Variants in RGP1 observed in about 807,000 individuals in gnomAD.
RGP1 encodes RGP1 partner of RAB6A GEF complex.
RGP1 carries 28 observed loss-of-function variants against 44.5 expected under a neutral mutation model. The ratio of observed to expected loss-of-function variants is 0.63; its 90% CI spans 0.47 to 0.86. The LOEUF is 0.86. Ranked by LOEUF, RGP1 falls within the 40% of genes least tolerant of loss-of-function variation. The probability of loss-of-function intolerance (pLI) is 0.00; values close to 1 mark genes in which losing one functional copy is unlikely to be tolerated. For missense variants in RGP1, 417 were observed against 490.7 expected, an observed-to-expected ratio of 0.85 and a Z score of 1.42; for synonymous variants, 212 against 196.7, an observed-to-expected ratio of 1.08 and a Z score of -0.65.
At chr9:35,767,962 G>A in the RGP1 span, among the ~76,000 whole-genome samples, 8 of 152,010 alleles carry the variant, frequency 5.3e-5, no homozygotes, top group African/African-American at 1.7e-4. Flanking sequence ...ATGACACCCA[G>A]CTAAGTTTTT....
Position 35,749,783 on chromosome 9 carries a change from C to T in RGP1, c.28C>T (p.Arg10Trp). MIEVVAELS[R>W]GPVFLAGEAL... ...GATTGAAGTGGTAGCAGAGCTCAGC[C>T]GGGGTCCTGTATTTTTGGCTGGGGA... The change falls in exon 2 of 9, where the codon CGG becomes TGG. Residue 10 changes from arginine to tryptophan, a missense_variant. Coordinates refer to ENST00000378078, the MANE Select transcript of RGP1 (RefSeq NM_001080496.3). This position sits in a 1 kb window ranked among gnomAD's most constrained non-coding sequence, Gnocchi z 4.4. 6.2e-7 allele frequency: 1 copy of T among 1,613,750 alleles called. No individual in the cohort carries two copies. Among genetic ancestry groups the T allele is most frequent in the East Asian group, 2.2e-5 (1 of 44,878 alleles).
chr9:35,751,056 G>T, intron 5 of RGP1, 67 bp downstream of exon 5: 2 of 1,586,516 alleles, frequency 1.3e-6, no homozygotes, highest in Non-Finnish European at 1.7e-6. Flanking sequence ...TGTCTTAGAG[G>T]GCTTGCAAGA....
chr9:35,777,398 G>A, the RGP1 span, among the ~76,000 whole-genome samples: 1 of 150,600 alleles, frequency 6.6e-6, no homozygotes, highest in Non-Finnish European at 1.5e-5. Flanking sequence ...CAAAGTGCTG[G>A]GATTACAGGC....
the RGP1 span, among the ~76,000 whole-genome samples, chr9:35,767,673 C>T: frequency 1.3e-5 from 2 of 152,144 alleles, no homozygotes; most frequent in African/African-American, 4.8e-5. Context: ...ATACGTTATT[C>T]ATGGCTTGAT....
chr9:35,790,113 C>T, the RGP1 span: 4 of 142,210 alleles, frequency 2.8e-5, no homozygotes, highest in Admixed American at 1.4e-4. Context: ...GTTGTCTCGT[C>T]ATTCTTTTGA....
At chr9:35,787,615 G>A in the RGP1 span, among the ~76,000 whole-genome samples, 1 of 152,238 alleles carries the variant, frequency 6.6e-6, no homozygotes, top group Non-Finnish European at 1.5e-5. Flanking sequence ...CTGCTGCGTG[G>A]CTGGGAGGGA....
At chr9:35,779,788 A>G in the RGP1 span, among the ~76,000 whole-genome samples, 3 of 152,226 alleles carry the variant, frequency 2.0e-5, no homozygotes, top group Admixed American at 6.5e-5. Context: ...AGGCTGGGGT[A>G]TAGTGTTGTG....
At chr9:35,776,734 G>A in the RGP1 span, among the ~76,000 whole-genome samples, 266 of 152,020 alleles carry the variant, frequency 1.7e-3, 1 homozygote, top group Non-Finnish European at 2.8e-3. Flanking sequence ...GGTGGTTCAC[G>A]CCTGTAATCC....
chr9:35,780,141 T>C, the RGP1 span: 1 of 152,176 alleles, frequency 6.6e-6, no homozygotes, highest in East Asian at 1.9e-4. Context: ...GTTGTTCTTT[T>C]CCTCCCTGCC....
rs550886190 is a variant in RGP1 at position 35,749,301 on chromosome 9, C to T, written c.-127C>T. The stretch of plus-strand genomic sequence containing the variant: ...GACCGAAGGGAAGTCCCGCCTCTAC[C>T]GCCCAGCGGACGCCGCCGCCGCCGC... On this transcript the variant is annotated 5_prime_UTR_variant, in exon 1 of 9. Transcript: ENST00000378078. The surrounding 1 kb of genome is among the most constrained non-coding windows in gnomAD (Gnocchi z 4.4). 1 of 518,566 alleles carries T rather than the reference C, an allele frequency of 1.9e-6. No individual in the cohort carries two copies. The highest frequency in any genetic ancestry group is 3.9e-6 in the Non-Finnish European group (1 of 253,602). 32.1% of individuals were successfully genotyped at this position (518,566 alleles called of 1,614,324 possible). A position where few individuals can be genotyped will look rare whatever the true frequency, so the allele number is the denominator to read the frequency against.
the RGP1 span, among the ~76,000 whole-genome samples, chr9:35,781,982 C>T: frequency 7.4e-5 from 9 of 121,878 alleles, no homozygotes; most frequent in Middle Eastern, 9.7e-3. Flanking sequence ...TTATTTCTCT[C>T]GTTTTTTTTT....
the RGP1 span, among the ~76,000 whole-genome samples, chr9:35,765,850 T>TA: frequency 4.0e-5 from 6 of 150,434 alleles, no homozygotes; most frequent in South Asian, 2.1e-4. Context: ...TTTTTTTTTT[T>TA]ATGAGACAGA....
chr9:35,771,501 A>G, the RGP1 span, among the ~76,000 whole-genome samples: 10 of 152,232 alleles, frequency 6.6e-5, no homozygotes, highest in Non-Finnish European at 1.3e-4. Flanking sequence ...TAATTCCAAA[A>G]ATCTATAATC....
intron 8 of RGP1, 53 bp from the exon 9 acceptor site, chr9:35,752,598 C>A: frequency 7.1e-7 from 1 of 1,417,570 alleles, no homozygotes; most frequent in Non-Finnish European, 9.8e-7. Flanking sequence ...CTGTCATTGG[C>A]TTTTACTCCT....
chr9:35,769,104 C>A, the RGP1 span, among the ~76,000 whole-genome samples: 1 of 152,248 alleles, frequency 6.6e-6, no homozygotes, highest in Admixed American at 6.5e-5. Context: ...TAGCAAGCGG[C>A]CTAGCTGAGC....
the RGP1 span, among the ~76,000 whole-genome samples, chr9:35,786,241 A>G: frequency 6.6e-6 from 1 of 152,188 alleles, no homozygotes; most frequent in East Asian, 1.9e-4. Context: ...GCAAGGGGAC[A>G]CCTTTCCCTC....
Position 35,750,905 on chromosome 9 carries a change from G to A in RGP1, c.403G>A (p.Val135Ile), listed in dbSNP as rs750564651. The part of the protein sequence containing the change: ...PSFRGQSVKY[V>I]YKLTIGCQRV... The stretch of plus-strand genomic sequence containing the variant: ...CTTTCGGGGTCAGTCAGTCAAGTAC[G>A]TCTACAAACTGACCATTGGCTGCCA... Residue 135 changes from valine to isoleucine, a missense_variant, in exon 5 of 9, where the codon GTC becomes ATC. Physicochemically the swap from Val to Ile is conservative, Grantham distance 29. Coordinates refer to ENST00000378078, the MANE Select transcript of RGP1 (RefSeq NM_001080496.3). 1.2e-4 allele frequency: 189 copies of A among 1,613,848 alleles called. No homozygotes were observed. Among genetic ancestry groups the A allele is most frequent in the Non-Finnish European group, 1.4e-4 (168 of 1,179,860 alleles).
At chr9:35,770,492 G>GGAGA in the RGP1 span, among the ~76,000 whole-genome samples, 1,765 of 107,006 alleles carry the variant, frequency 0.016, 66 homozygotes, top group South Asian at 0.022. Context: ...GTATTACCAT[G>GGAGA]GAGAGAGAGA....
In RGP1 at chr9:35,751,375, G is replaced by C; in HGVS notation, c.597G>C (p.Gly199=). The C allele has an allele frequency of 1.2e-6, 2 of 1,613,968 alleles. No homozygotes were observed. Among genetic ancestry groups the C allele is most frequent in the Non-Finnish European group, 1.7e-6 (2 of 1,179,890 alleles). ...KKDSWLAELA[G]ERLMAATSCR... is the part of the protein sequence containing the mutation. ...ATTCATGGCTAGCTGAGCTGGCTGGGGAACGCCTAATGGCTGCCACATCCT... is the reference window on the plus strand; with the variant it reads ...ATTCATGGCTAGCTGAGCTGGCTGGCGAACGCCTAATGGCTGCCACATCCT... The change falls in exon 6 of 9, where the codon GGG becomes GGC. Residue 199 remains glycine, a synonymous_variant. Transcript: ENST00000378078.
Sources: gnomAD v4.1 joint callset for allele counts (sites outside exome capture counted in the v4.1 genomes callset) on GRCh38, gnomAD v4.1.1 for gene constraint, Gnocchi (gnomAD v3.1) non-coding constraint, MANE v1.5 for transcripts, NCBI Gene and HGNC (gene_info 2026-07-23, HGNC 2026-07-21) for gene names.